The following NCOA2 variants were observed in gnomAD, a reference collection of about 807,000 sequenced individuals.
NCOA2 encodes class E basic helix-loop-helix protein 75.
In NCOA2, 21 loss-of-function variants were observed where a neutral mutation model predicts 145.1. The ratio of observed to expected loss-of-function variants is 0.14; its 90% CI spans 0.10 to 0.21. The LOEUF (loss-of-function observed/expected upper bound fraction) is 0.21. Ranked by LOEUF, NCOA2 falls within the 10% of genes least tolerant of loss-of-function variation. The pLI, the probability that NCOA2 is intolerant of heterozygous loss-of-function variation, is 1.00. For missense variants in NCOA2, 1,472 were observed against 1,837.6 expected (o/e 0.80, Z 3.64); for synonymous variants, 619 against 637.5 (o/e 0.97, Z 0.44).
At chr8:70,244,504 A>C (rs1283914094) in intron 2 of NCOA2, among the ~76,000 whole-genome samples, 1 of 152,130 alleles carries the variant, frequency 6.6e-6, no homozygotes, top group Non-Finnish European at 1.5e-5. Flanking sequence ...ACAACAACAA[A>C]AAAATCACTG....
chr8:70,135,227 T>C (rs890779129), intron 15 of NCOA2, among the ~76,000 whole-genome samples: 10 of 152,318 alleles, frequency 6.6e-5, no homozygotes, highest in Non-Finnish European at 1.2e-4. Context: ...CTACTTTCCA[T>C]TGGGGTGCCA....
At chr8:70,152,000 C>T (rs1355514337) in intron 11 of NCOA2, among the ~76,000 whole-genome samples, 5 of 152,070 alleles carry the variant, frequency 3.3e-5, no homozygotes, top group Non-Finnish European at 5.9e-5. Context: ...TAATTCTCAT[C>T]AAAAGTTCTT....
chr8:70,258,461 G>A (rs1295864363), intron 2 of NCOA2, among the ~76,000 whole-genome samples: 1 of 152,054 alleles, frequency 6.6e-6, no homozygotes, highest in Non-Finnish European at 1.5e-5. Context: ...TTCTTTATCT[G>A]CTATTTTTTT....
chr8:70,251,946 A>G (rs1274111945), intron 2 of NCOA2, among the ~76,000 whole-genome samples: 1 of 152,186 alleles, frequency 6.6e-6, no homozygotes, highest in Non-Finnish European at 1.5e-5. Flanking sequence ...TGGATACTCA[A>G]ATCCTCAGAT....
Position 70,121,288 on chromosome 8 carries a change from C to G in NCOA2, c.4383+14G>C. 6.2e-7 allele frequency: 1 copy of G among 1,603,974 alleles called. No homozygotes were observed. Among genetic ancestry groups the G allele is most frequent in the Non-Finnish European group, 8.5e-7 (1 of 1,173,040 alleles). ...TTTACTTCCATATTCATATATTTCA[C>G]TGTTCTTTCTTACCCGTGTTGTGTC... is the stretch of plus-strand genomic sequence containing the variant. On this transcript the variant is annotated intron_variant, in intron 22 of 22. Coordinates refer to ENST00000452400, the MANE Select transcript of NCOA2 (RefSeq NM_006540.4).
At chr8:70,251,192 G>A (rs1586255767) in intron 2 of NCOA2, among the ~76,000 whole-genome samples, 1 of 152,046 alleles carries the variant, frequency 6.6e-6, no homozygotes, top group East Asian at 1.9e-4. Flanking sequence ...CTTAGAAAAG[G>A]CCCAACTGTG....
chr8:70,196,103 C>A (rs949781465), intron 4 of NCOA2, among the ~76,000 whole-genome samples: 1 of 152,180 alleles, frequency 6.6e-6, no homozygotes, highest in African/African-American at 2.4e-5. Flanking sequence ...CCTGGCTGGG[C>A]ACGGTGGCTC....
the NCOA2 span, among the ~76,000 whole-genome samples, chr8:70,409,548 A>T: frequency 6.6e-6 from 1 of 152,234 alleles, no homozygotes; most frequent in Non-Finnish European, 1.5e-5. Flanking sequence ...TTCAAGATGG[A>T]TCATAGACTT....
At chr8:70,436,037 C>T in the NCOA2 span, among the ~76,000 whole-genome samples, 1 of 152,050 alleles carries the variant, frequency 6.6e-6, no homozygotes, top group Admixed American at 6.6e-5. Context: ...GAATTGACTT[C>T]ATATAAGTTT....
At chr8:70,169,594 G>A (rs1813999559) in intron 6 of NCOA2, among the ~76,000 whole-genome samples, 1 of 152,102 alleles carries the variant, frequency 6.6e-6, no homozygotes, top group African/African-American at 2.4e-5. Context: ...ACAGGGTGAG[G>A]CAATGTGTCA....
In NCOA2 at chr8:70,156,335, G is replaced by A; in HGVS notation, c.2030C>T (p.Ser677Phe). Residue 677 changes from serine (S) to phenylalanine (F), a missense_variant, in exon 11 of 23, where the codon TCT (serine) becomes TTT (phenylalanine). Physicochemically the swap from Ser to Phe is radical, Grantham distance 155. Coordinates refer to ENST00000452400, the MANE Select transcript of NCOA2 (RefSeq NM_006540.4). Reference sequence around the variant, plus strand: ...CTCCTTGAGCGAGGTTCCATGTGTAGACCCAGAACCAGGCAAGCTACCTGT... The same window carrying A: ...CTCCTTGAGCGAGGTTCCATGTGTAAACCCAGAACCAGGCAAGCTACCTGT... ...DSTGSLPGSG[S>F]THGTSLKEKH... 1 of 1,613,864 alleles carries A rather than the reference G, an allele frequency of 6.2e-7. No homozygotes were observed. Among genetic ancestry groups the A allele is most frequent in the Non-Finnish European group, 8.5e-7 (1 of 1,179,854 alleles).
At chr8:70,130,209 T>G (rs922327818) in intron 16 of NCOA2, among the ~76,000 whole-genome samples, 1 of 152,202 alleles carries the variant, frequency 6.6e-6, no homozygotes, top group Non-Finnish European at 1.5e-5. Context: ...CTCAGAACTT[T>G]AACATGAATA....
intron 2 of NCOA2, among the ~76,000 whole-genome samples, chr8:70,264,958 A>C (rs767443236): frequency 6.6e-6 from 1 of 152,198 alleles, no homozygotes; most frequent in Non-Finnish European, 1.5e-5. Flanking sequence ...ACAAAGAGTA[A>C]ACTTTTTTTT....
At chr8:70,295,699 T>C (rs1463959248) in intron 2 of NCOA2, among the ~76,000 whole-genome samples, 1 of 152,160 alleles carries the variant, frequency 6.6e-6, no homozygotes, top group Non-Finnish European at 1.5e-5. Context: ...CCAAGCACTT[T>C]GGGAGGCCGA....
intron 15 of NCOA2, among the ~76,000 whole-genome samples, chr8:70,136,828 G>A (rs557375848): frequency 6.6e-6 from 1 of 152,202 alleles, no homozygotes; most frequent in Non-Finnish European, 1.5e-5. Context: ...GATTTTCTAT[G>A]ACAGTAAGAT....
intron 5 of NCOA2, among the ~76,000 whole-genome samples, chr8:70,171,199 A>C (rs1327197862): frequency 6.6e-6 from 1 of 152,228 alleles, no homozygotes; most frequent in East Asian, 1.9e-4. Flanking sequence ...ATCTAGGATC[A>C]TTTCAGGAAG....
intron 1 of NCOA2, among the ~76,000 whole-genome samples, chr8:70,329,850 A>G (rs1329529701): frequency 1.3e-5 from 2 of 152,242 alleles, no homozygotes; most frequent in African/African-American, 2.4e-5. Context: ...AACTTTTATA[A>G]AGTTCAAGAA....
intron 11 of NCOA2, among the ~76,000 whole-genome samples, chr8:70,149,852 A>G (rs1198639645): frequency 6.6e-6 from 1 of 152,064 alleles, no homozygotes; most frequent in African/African-American, 2.4e-5. Context: ...TGAATCCTTG[A>G]CCACAACTAT....
intron 6 of NCOA2, among the ~76,000 whole-genome samples, chr8:70,169,350 A>G (rs758985541): frequency 7.9e-5 from 12 of 152,228 alleles, no homozygotes; most frequent in Non-Finnish European, 1.5e-4. Flanking sequence ...TCACACCTAC[A>G]GGGCCCACTG....
Sources: allele counts gnomAD v4.1 joint callset (sites outside exome capture counted in the v4.1 genomes callset), GRCh38; gene constraint gnomAD v4.1.1; transcripts MANE v1.5; gene names NCBI Gene and HGNC (gene_info 2026-07-23, HGNC 2026-07-21).